Variants in DMD observed in about 807,000 individuals in gnomAD.
DMD encodes mutant dystrophin.
In DMD, 63 loss-of-function variants were observed where a neutral mutation model predicts 330.1. That is an observed-to-expected ratio of 0.19 (90% confidence interval 0.16 to 0.24). The LOEUF (loss-of-function observed/expected upper bound fraction) is 0.24. Ranked by LOEUF, DMD falls within the 10% of genes least tolerant of loss-of-function variation. The pLI is 1.00. For synonymous variants in DMD, 1,223 were observed against 959.8 expected (o/e 1.27, Z -5.07); for missense variants, 3,344 against 2,684.1 (o/e 1.25, Z -5.43).
intron 30 of DMD, among the ~76,000 whole-genome samples, chrX:32,401,858 G>C (rs949419263): frequency 8.9e-6 from 1 of 112,002 alleles, no homozygotes. Flanking sequence ...TACAAACATT[G>C]AAAATAGAAA....
At chrX:32,513,446 G>T (rs774042021) in intron 18 of DMD, among the ~76,000 whole-genome samples, 1 of 112,263 alleles carries the variant, frequency 8.9e-6, no homozygotes, top group East Asian at 2.8e-4. Context: ...CATGATATTA[G>T]CTTTAATCAG....
chrX:32,487,362 A>C (rs1405325288), intron 20 of DMD, among the ~76,000 whole-genome samples: 1 of 111,470 alleles, frequency 9.0e-6, no homozygotes, highest in African/African-American at 3.3e-5. Context: ...CTTTAGAAAA[A>C]AATACTTGAG....
intron 60 of DMD, among the ~76,000 whole-genome samples, chrX:31,371,023 AG>A (rs901175204): frequency 5.4e-5 from 6 of 110,881 alleles, no homozygotes; most frequent in East Asian, 2.8e-4. Flanking sequence ...AGTAGGAGGT[AG>A]GGGGGGCAGG....
At chrX:31,924,289 A>G (rs1183162739) in intron 47 of DMD, among the ~76,000 whole-genome samples, 1 of 112,271 alleles carries the variant, frequency 8.9e-6, no homozygotes. Context: ...GGAGTCGGAA[A>G]GCCAAGCTCT....
At chrX:32,428,824 T>C (rs1022587420) in intron 29 of DMD, among the ~76,000 whole-genome samples, 20 of 111,234 alleles carry the variant, frequency 1.8e-4, no homozygotes, top group African/African-American at 6.5e-4. Context: ...GCTGCCCAGA[T>C]TGGTCTCGAA....
rs756328808 is a variant in DMD at position 33,017,353 on chromosome X, ATCTG to A, written c.93+2782_93+2785del. On this transcript the variant is annotated intron_variant, in intron 2 of 78. Transcript: ENST00000357033. Reference sequence around the variant, plus strand: ...GTATAAAAGGCAATGAAAAATTATCATCTGTCTGTGTGGTAAAGTAGACACAGAT... The same window carrying A: ...GTATAAAAGGCAATGAAAAATTATCATCTGTGTGGTAAAGTAGACACAGAT... Among the ~76,000 whole-genome samples the A allele has an allele frequency of 2.3e-3, 229 of 97,530 alleles. 1 individual carries two copies. Among genetic ancestry groups the A allele is most frequent in the Middle Eastern group, 5.5e-3 (1 of 181 alleles). The allele number at this position is 97,530 out of a possible 115,157, so 84.7% of individuals were successfully genotyped here.
rs777568844 is a variant in DMD at position 32,353,228 on chromosome X, T to C, written c.5326-4700A>G. The stretch of plus-strand genomic sequence containing the variant: ...TTCTTAAGAGTTCACTAGTTCAGCA[T>C]TAGGCTATGCCCATTCTAAAACAGA... On this transcript the variant is annotated intron_variant, in intron 37 of 78. Coordinates refer to ENST00000357033, the MANE Select transcript of DMD (RefSeq NM_004006.3). Among the ~76,000 whole-genome samples, 3 of 111,619 alleles carry C rather than the reference T, an allele frequency of 2.7e-5. No individual in the cohort carries two copies. The Admixed American group carries it at 2.8e-4, about 11-fold the overall frequency.
intron 60 of DMD, among the ~76,000 whole-genome samples, chrX:31,378,392 C>T (rs893920528): frequency 6.3e-5 from 7 of 111,352 alleles, no homozygotes; most frequent in Admixed American, 4.8e-4. Context: ...TCAATCTTGG[C>T]GCCCCACTTC....
intron 60 of DMD, among the ~76,000 whole-genome samples, chrX:31,372,499 G>C (rs1005207945): frequency 8.9e-6 from 1 of 111,768 alleles, no homozygotes; most frequent in Non-Finnish European, 1.9e-5. Context: ...GGCCTCTTTC[G>C]GAGAGAAGGC....
intron 62 of DMD, among the ~76,000 whole-genome samples, chrX:31,320,188 C>G (rs1262297950): frequency 4.5e-5 from 5 of 112,160 alleles, no homozygotes; most frequent in African/African-American, 1.3e-4. Flanking sequence ...GTATCAAAAT[C>G]AAGGTTCTTA....
At chrX:32,054,123 G>GAA (rs2096142729) in intron 44 of DMD, among the ~76,000 whole-genome samples, 1 of 100,666 alleles carries the variant, frequency 9.9e-6, no homozygotes, top group Non-Finnish European at 2.0e-5. Context: ...GAGAGAGAGA[G>GAA]AGAGAGAGAG....
At chrX:33,073,527 T>C (rs1475772935) in intron 1 of DMD, among the ~76,000 whole-genome samples, 1 of 110,882 alleles carries the variant, frequency 9.0e-6, no homozygotes, top group Non-Finnish European at 1.9e-5. Context: ...AAGCCATGAG[T>C]TACATATTAA....
At chrX:32,720,804 G>C (rs1286939313) in intron 7 of DMD, among the ~76,000 whole-genome samples, 1 of 111,087 alleles carries the variant, frequency 9.0e-6, no homozygotes, top group African/African-American at 3.3e-5. Flanking sequence ...AAAAGGGTTA[G>C]CTGTATATCG....
chrX:32,521,858 T>G (rs1203371863), intron 17 of DMD, among the ~76,000 whole-genome samples: 1 of 111,813 alleles, frequency 8.9e-6, no homozygotes, highest in African/African-American at 3.3e-5. Context: ...TATTAAAAGA[T>G]GGGGCATTTG....
chrX:32,178,885 A>T (rs1191234291), intron 44 of DMD, among the ~76,000 whole-genome samples: 1 of 100,457 alleles, frequency 1.0e-5, no homozygotes, highest in Admixed American at 1.1e-4. Context: ...CTTGGACCAT[A>T]TTTCTTTGTA....
chrX:32,833,345 A>T (rs1474480952), intron 4 of DMD, among the ~76,000 whole-genome samples: 1 of 110,968 alleles, frequency 9.0e-6, no homozygotes, highest in East Asian at 2.8e-4. Flanking sequence ...GGCATGAAAG[A>T]CATTAAAACA....
At chrX:32,238,120 A>G (rs2097194720) in intron 43 of DMD, among the ~76,000 whole-genome samples, 2 of 112,215 alleles carry the variant, frequency 1.8e-5, no homozygotes, top group Admixed American at 1.9e-4. Context: ...TTTATAGTTT[A>G]TCAGGGTGTA....
At chrX:31,308,808 C>CA (rs2055252958) in intron 62 of DMD, among the ~76,000 whole-genome samples, 1 of 111,105 alleles carries the variant, frequency 9.0e-6, no homozygotes, top group African/African-American at 3.3e-5. Flanking sequence ...CGGCTCACTG[C>CA]AACCTCTGCC....
intron 47 of DMD, among the ~76,000 whole-genome samples, chrX:31,896,516 T>A (rs2094335547): frequency 8.9e-6 from 1 of 112,188 alleles, no homozygotes; most frequent in South Asian, 3.7e-4. Flanking sequence ...TATAATTTGT[T>A]ATGATTTCCT....
Sources: gnomAD v4.1 joint callset for allele counts (sites outside exome capture counted in the v4.1 genomes callset) on GRCh38, gnomAD v4.1.1 for gene constraint, MANE v1.5 for transcripts, NCBI Gene and HGNC (gene_info 2026-07-23, HGNC 2026-07-21) for gene names.